RANBP2: variants seen among roughly 807,000 people sequenced by gnomAD.
The protein encoded by RANBP2 is RAN binding protein 2, also known as E3 SUMO-protein ligase RanBP2.
Under a neutral mutation model 303.6 loss-of-function variants are expected in RANBP2, and 57 were observed. That is an observed-to-expected ratio of 0.19 (90% CI 0.15 to 0.23). The LOEUF (loss-of-function observed/expected upper bound fraction) is 0.23, where lower values mean the gene tolerates loss of function less well. Ranked by LOEUF, RANBP2 falls within the 10% of genes least tolerant of loss-of-function variation. The pLI, the probability that RANBP2 is intolerant of heterozygous loss-of-function variation, is 1.00. For synonymous variants in RANBP2, 1,167 were observed against 1,301.5 expected (o/e 0.90, Z 2.23); for missense variants, 3,138 against 3,780.8 (o/e 0.83, Z 4.46).
chr2:109,203,629 G>T, the RANBP2 span, among the ~76,000 whole-genome samples: 1 of 152,074 alleles, frequency 6.6e-6, no homozygotes, highest in African/African-American at 2.4e-5. Context: ...AAGCATCGTG[G>T]CCCTGTCTCT....
the RANBP2 span, among the ~76,000 whole-genome samples, chr2:109,694,443 C>G: frequency 1.4e-5 from 2 of 145,398 alleles, no homozygotes; most frequent in Admixed American, 7.1e-5. Flanking sequence ...CTCACTCTGT[C>G]ATCAGGCTGG....
the RANBP2 span, among the ~76,000 whole-genome samples, chr2:109,283,496 C>T: frequency 6.6e-6 from 1 of 152,108 alleles, no homozygotes; most frequent in African/African-American, 2.4e-5. Context: ...TGGTGTTGTC[C>T]ACAAAGGTCT....
At chr2:109,693,615 G>A in the RANBP2 span, among the ~76,000 whole-genome samples, 29 of 152,270 alleles carry the variant, frequency 1.9e-4, no homozygotes, top group African/African-American at 6.7e-4. Context: ...CACGTAAGAC[G>A]TGACTTTCAC....
the RANBP2 span, among the ~76,000 whole-genome samples, chr2:109,064,205 C>A: frequency 6.6e-6 from 1 of 152,106 alleles, no homozygotes; most frequent in African/African-American, 2.4e-5. Context: ...CGGGGTGGCT[C>A]ACGCCTGTAA....
the RANBP2 span, among the ~76,000 whole-genome samples, chr2:108,850,437 G>A: frequency 2.0e-5 from 3 of 151,902 alleles, no homozygotes; most frequent in African/African-American, 4.8e-5. Context: ...AATACTTGGC[G>A]AGTTTTTTTT....
chr2:109,509,701 C>T, the RANBP2 span, among the ~76,000 whole-genome samples: 1 of 152,006 alleles, frequency 6.6e-6, no homozygotes, highest in Non-Finnish European at 1.5e-5. Context: ...ACCCCCTGCA[C>T]CCTCACCCTT....
At chr2:109,545,980 T>C in the RANBP2 span, 1 of 1,507,766 alleles carries the variant, frequency 6.6e-7, no homozygotes, top group African/African-American at 1.4e-5. Flanking sequence ...TAAGAAGCGC[T>C]AGGAAGATCC....
the RANBP2 span, among the ~76,000 whole-genome samples, chr2:109,341,182 C>T: frequency 1.3e-5 from 2 of 152,096 alleles, no homozygotes; most frequent in African/African-American, 4.8e-5. Flanking sequence ...AAAGTTTGGA[C>T]CCAACAAGCA....
the RANBP2 span, among the ~76,000 whole-genome samples, chr2:109,433,298 G>A: frequency 1.3e-5 from 2 of 152,272 alleles, no homozygotes; most frequent in South Asian, 4.1e-4. Context: ...GTCAACGATT[G>A]TTGAGTGGTC....
the RANBP2 span, chr2:109,544,229 C>G: frequency 6.2e-7 from 1 of 1,611,272 alleles, no homozygotes; most frequent in African/African-American, 1.3e-5. Context: ...CAAATAACAG[C>G]AAAATCAAAG....
intron 17 of RANBP2, 138 bp from the exon 18 acceptor site, chr2:108,758,275 C>T (rs371316532): frequency 1.1e-4 from 146 of 1,369,050 alleles, no homozygotes; most frequent in South Asian, 5.3e-4. Flanking sequence ...CCAGCCTGGA[C>T]GACAGATCGA....
At chr2:109,551,705 A>G in the RANBP2 span, among the ~76,000 whole-genome samples, 2 of 152,252 alleles carry the variant, frequency 1.3e-5, no homozygotes, top group Non-Finnish European at 1.5e-5. Flanking sequence ...TATTACTTTT[A>G]CAAAACCATT....
the RANBP2 span, among the ~76,000 whole-genome samples, chr2:109,022,911 C>T: frequency 1.3e-5 from 2 of 152,054 alleles, no homozygotes; most frequent in African/African-American, 4.8e-5. Context: ...ATTACCCGGG[C>T]GTGGTGGTGA....
chr2:108,871,258 T>A, the RANBP2 span, among the ~76,000 whole-genome samples: 38 of 150,640 alleles, frequency 2.5e-4, no homozygotes, highest in African/African-American at 8.5e-4. Flanking sequence ...CCTAGCCAGG[T>A]GTGGTGTCTC....
the RANBP2 span, among the ~76,000 whole-genome samples, chr2:109,691,478 G>A: frequency 6.6e-6 from 1 of 152,116 alleles, no homozygotes; most frequent in African/African-American, 2.4e-5. Flanking sequence ...ATCCAAGCAG[G>A]AACTCCCAGG....
At chr2:109,164,239 C>T in the RANBP2 span, among the ~76,000 whole-genome samples, 1 of 152,066 alleles carries the variant, frequency 6.6e-6, no homozygotes, top group Non-Finnish European at 1.5e-5. Flanking sequence ...AGTGCAGTAA[C>T]ATGACTGATC....
the RANBP2 span, among the ~76,000 whole-genome samples, chr2:109,293,767 A>T: frequency 6.6e-6 from 1 of 152,170 alleles, no homozygotes. Context: ...AACAGGGTGC[A>T]CCCTCTCCCA....
the RANBP2 span, among the ~76,000 whole-genome samples, chr2:109,680,229 T>G: frequency 2.0e-5 from 3 of 149,972 alleles, no homozygotes; most frequent in Admixed American, 6.6e-5. Flanking sequence ...GGCGGGCACC[T>G]GTAGTCCCAG....
chr2:108,865,187 TTATATAAA>T, the RANBP2 span, among the ~76,000 whole-genome samples: 21 of 152,268 alleles, frequency 1.4e-4, no homozygotes, highest in East Asian at 1.9e-3. Context: ...CTTGAAGATC[TTATATAAA>T]TGCATAATTT....
Sources: allele counts gnomAD v4.1 joint callset (sites outside exome capture counted in the v4.1 genomes callset), GRCh38; gene constraint gnomAD v4.1.1; transcripts MANE v1.5; gene names NCBI Gene and HGNC (gene_info 2026-07-23, HGNC 2026-07-21).